Variants in SLC25A26 observed in about 807,000 individuals in gnomAD.
The protein encoded by SLC25A26 is solute carrier family 25 member 26.
In SLC25A26, 36 loss-of-function variants were observed where a neutral mutation model predicts 37.8. That is an observed-to-expected ratio of 0.95 (90% confidence interval 0.73 to 1.26). The LOEUF is 1.26. Among genes scored for constraint, SLC25A26 ranks in the 50% most tolerant of loss-of-function variants. The probability of loss-of-function intolerance (pLI) is 0.00; values close to 1 mark genes in which losing one functional copy is unlikely to be tolerated. For missense variants in SLC25A26, 390 were observed against 331.1 expected (o/e 1.18, Z -1.38); for synonymous variants, 129 against 122.5 (o/e 1.05, Z -0.35).
chr3:66,258,797 C>G (rs2073406120), intron 3 of SLC25A26, among the ~76,000 whole-genome samples: 1 of 151,328 alleles, frequency 6.6e-6, no homozygotes, highest in South Asian at 2.1e-4. Flanking sequence ...CTAGCCTGGG[C>G]AACATAGTGA....
intron 5 of SLC25A26, among the ~76,000 whole-genome samples, chr3:66,271,889 C>G (rs1026128844): frequency 6.6e-6 from 1 of 151,876 alleles, no homozygotes; most frequent in Non-Finnish European, 1.5e-5. Flanking sequence ...TTTTCTGCCA[C>G]CTTTGTTCTT....
At chr3:66,300,603 T>A (rs1331417777) in intron 5 of SLC25A26, among the ~76,000 whole-genome samples, 1 of 152,196 alleles carries the variant, frequency 6.6e-6, no homozygotes, top group Non-Finnish European at 1.5e-5. Context: ...GAATAAGGAT[T>A]TATATACATC....
At chr3:66,213,721 C>G (rs2071319576) in intron 1 of SLC25A26, among the ~76,000 whole-genome samples, 1 of 152,026 alleles carries the variant, frequency 6.6e-6, no homozygotes, top group Non-Finnish European at 1.5e-5. Flanking sequence ...TAACATGTGT[C>G]CACCCTTATA....
intron 1 of SLC25A26, among the ~76,000 whole-genome samples, chr3:66,140,326 C>T (rs1294374651): frequency 6.6e-6 from 1 of 152,094 alleles, no homozygotes; most frequent in African/African-American, 2.4e-5. Flanking sequence ...ATGTGCTCAT[C>T]CTGTGAGCCC....
At chr3:66,353,450 G>T (rs542188538) in intron 6 of SLC25A26, among the ~76,000 whole-genome samples, 10 of 152,148 alleles carry the variant, frequency 6.6e-5, no homozygotes, top group Non-Finnish European at 1.3e-4. Flanking sequence ...AGTACAGCCA[G>T]GATTTGAACT....
chr3:66,232,951 G>A (rs1576673203), intron 1 of SLC25A26, among the ~76,000 whole-genome samples: 1 of 152,240 alleles, frequency 6.6e-6, no homozygotes, highest in East Asian at 1.9e-4. Context: ...GTTCTGCAGT[G>A]AGGAAGATGG....
chr3:66,335,366 G>T (rs1392119646), intron 5 of SLC25A26, among the ~76,000 whole-genome samples: 1 of 152,190 alleles, frequency 6.6e-6, no homozygotes, highest in African/African-American at 2.4e-5. Context: ...TATCTGGCCT[G>T]TTGGATTAAC....
At chr3:66,292,715 T>C (rs1299125088) in intron 5 of SLC25A26, among the ~76,000 whole-genome samples, 2 of 152,230 alleles carry the variant, frequency 1.3e-5, no homozygotes, top group African/African-American at 4.8e-5. Flanking sequence ...TCTCTCTGGC[T>C]GCCCTTAACA....
chr3:66,304,193 G>C (rs927132285), intron 5 of SLC25A26, among the ~76,000 whole-genome samples: 4 of 152,146 alleles, frequency 2.6e-5, no homozygotes, highest in African/African-American at 9.7e-5. Context: ...TCATATTTCT[G>C]ATTAAATGTA....
chr3:66,306,739 G>A (rs1036317006), intron 5 of SLC25A26, among the ~76,000 whole-genome samples: 2 of 152,086 alleles, frequency 1.3e-5, no homozygotes, highest in African/African-American at 4.8e-5. Context: ...TCCCACTTAT[G>A]AGCAAGAACA....
At chr3:66,370,162 A>C (rs1424348926) in intron 8 of SLC25A26, among the ~76,000 whole-genome samples, 2 of 152,206 alleles carry the variant, frequency 1.3e-5, no homozygotes, top group Non-Finnish European at 2.9e-5. Flanking sequence ...CACTCTATTA[A>C]ATATGCTTAT....
At chr3:66,297,328 CAAAAA>C (rs34315256) in intron 5 of SLC25A26, among the ~76,000 whole-genome samples, 4 of 106,414 alleles carry the variant, frequency 3.8e-5, no homozygotes, top group African/African-American at 6.6e-5. Context: ...AACTCCATCT[CAAAAA>C]AAAAAAAAAA....
intron 5 of SLC25A26, among the ~76,000 whole-genome samples, chr3:66,342,888 C>G (rs374379739): frequency 1.3e-5 from 2 of 152,280 alleles, no homozygotes; most frequent in South Asian, 2.1e-4. Flanking sequence ...TCTTAACAAC[C>G]TTATTCAAAC....
In SLC25A26 at chr3:66,194,680, T is replaced by G. The variant is rs922004422; in HGVS notation, c.-353-26062T>G. Reference sequence around the variant, plus strand: ...AGTGCAATGGCACGATCTCGGCTCATCGCAACCTCCGCGCCCGTTCAAGTG... The same window carrying G: ...AGTGCAATGGCACGATCTCGGCTCAGCGCAACCTCCGCGCCCGTTCAAGTG... On this transcript the variant is annotated intron_variant, in intron 1 of 10. Transcript: ENST00000676754. Among the ~76,000 whole-genome samples the G allele has an allele frequency of 2.3e-3, 347 of 152,312 alleles. 5 individuals carry two copies. Among genetic ancestry groups the G allele is most frequent in the Non-Finnish European group, 2.9e-3 (195 of 68,028 alleles).
At chr3:66,245,109 T>C (rs1201254944) in intron 3 of SLC25A26, among the ~76,000 whole-genome samples, 1 of 152,178 alleles carries the variant, frequency 6.6e-6, no homozygotes, top group Non-Finnish European at 1.5e-5. Flanking sequence ...GGTCTCTTTA[T>C]GTTTTCCAGA....
At chr3:66,318,313 T>G (rs4443106) in intron 5 of SLC25A26, among the ~76,000 whole-genome samples, 4 of 151,994 alleles carry the variant, frequency 2.6e-5, no homozygotes, top group African/African-American at 9.7e-5. Flanking sequence ...CATGGGCTCA[T>G]GAGGGGGACC....
chr3:66,226,144 A>G (rs2071739677), intron 1 of SLC25A26, among the ~76,000 whole-genome samples: 1 of 152,154 alleles, frequency 6.6e-6, no homozygotes, highest in African/African-American at 2.4e-5. Flanking sequence ...CATACCCAAG[A>G]CTGGGTAATT....
intron 1 of SLC25A26, among the ~76,000 whole-genome samples, chr3:66,199,461 G>T (rs1244638073): frequency 2.6e-5 from 4 of 151,840 alleles, no homozygotes; most frequent in Non-Finnish European, 5.9e-5. Flanking sequence ...AGCCTCCTTT[G>T]AACGTTGACT....
rs1248994480 is a variant in SLC25A26, at chr3:66,190,278, G to A, written c.-353-30464G>A. 6.9e-4 allele frequency among the ~76,000 whole-genome samples: 104 copies of A among 150,086 alleles called. 2 individuals are homozygous for A. The South Asian group carries it at 8.9e-3, about 13-fold the overall frequency. On this transcript the variant is annotated intron_variant, in intron 1 of 10. Coordinates refer to the SLC25A26 transcript ENST00000676754. ...TGCAGTGAGCTGAGATTGCACCACT[G>A]CACTCCAGCCTGGACAACAGAGTGA...
Sources: allele counts gnomAD v4.1 joint callset (sites outside exome capture counted in the v4.1 genomes callset), GRCh38; gene constraint gnomAD v4.1.1; transcripts MANE v1.5; gene names NCBI Gene and HGNC (gene_info 2026-07-23, HGNC 2026-07-21).